CCDC97: variants seen among roughly 807,000 people sequenced by gnomAD.
The protein encoded by CCDC97 is coiled-coil domain containing 97.
CCDC97 carries 27 observed loss-of-function variants against 33.9 expected under a neutral mutation model. The ratio of observed to expected loss-of-function variants is 0.80; its 90% CI spans 0.59 to 1.10. CCDC97 has a LOEUF of 1.10. Among genes scored for constraint, CCDC97 ranks in the 50% least tolerant of loss-of-function variants. CCDC97 has a pLI of 0.00. For synonymous variants in CCDC97, 217 were observed against 194.0 expected, an observed-to-expected ratio of 1.12 and a Z score of -0.99; for missense variants, 422 against 476.6, an observed-to-expected ratio of 0.89 and a Z score of 1.07.
At chr19:41,313,856 T>G (rs2037714258) in intron 1 of CCDC97, among the ~76,000 whole-genome samples, 1 of 152,106 alleles carries the variant, frequency 6.6e-6, no homozygotes, top group Non-Finnish European at 1.5e-5. Flanking sequence ...CCCACCACCA[T>G]GCCCAGCTGA....
At position 41,324,246 on chromosome 19, in the gene CCDC97, C is replaced by G. The variant is rs932956090; in HGVS notation, c.*1531C>G. The G allele has an allele frequency of 6.6e-6, 1 of 152,254 alleles. No homozygotes were observed. The highest frequency in any genetic ancestry group is 1.5e-5 in the Non-Finnish European group (1 of 68,056). 9.4% of individuals were successfully genotyped at this position (152,254 alleles called of 1,614,324 possible). ...TGTCAGGCCCGAGCGAAGTGCCTGA[C>G]ACCGGGTTGGATCCTCAGATGGCCC... On this transcript the variant is annotated 3_prime_UTR_variant, in exon 5 of 5. Coordinates refer to ENST00000269967, the MANE Select transcript of CCDC97 (RefSeq NM_052848.3).
chr19:41,320,776 G>C, intron 4 of CCDC97: 1 of 293,468 alleles, frequency 3.4e-6, no homozygotes, highest in African/African-American at 2.2e-5. Context: ...ACTACCCCAA[G>C]CCCCCCAAGT....
At position 41,310,382 on chromosome 19, in the gene CCDC97, G is replaced by A. The variant is rs757282226; in HGVS notation, c.46+26G>A. On this transcript the variant is annotated intron_variant, in intron 1 of 4. Coordinates refer to ENST00000269967, the MANE Select transcript of CCDC97 (RefSeq NM_052848.3). ...GTGAGATCTTGGTCACGCGCAGGCG[G>A]CGGGTGGGTGCGGTTGCGGTGTCTC... 9 of 1,593,030 alleles carry A rather than the reference G, an allele frequency of 5.6e-6. No homozygotes were observed. The South Asian group carries it at 6.8e-5, about 12-fold the overall frequency.
intron 4 of CCDC97, 60 bp from the exon 5 acceptor site, chr19:41,322,534 TG>T: frequency 6.4e-7 from 1 of 1,573,580 alleles, no homozygotes; most frequent in Non-Finnish European, 8.7e-7. Context: ...CCCAGGCCTT[TG>T]ACCTGGGCAT....
chr19:41,310,355 G>A lies in CCDC97; in HGVS notation c.45G>A (p.Lys15=), dbSNP rs773593524. The change falls in exon 1 of 5, where the codon AAG becomes AAA. Residue 15 remains lysine (K), a splice_region_variant and synonymous_variant. Transcript: ENST00000269967. The stretch of plus-strand genomic sequence containing the variant: ...CGACGGCGGCGAAGGAACCCGATAA[G>A]GGTGAGATCTTGGTCACGCGCAGGC... ...ATATAAKEPD[K]GCIEPGPGHW... is the part of the protein sequence containing the mutation. 6.2e-7 allele frequency: 1 copy of A among 1,605,310 alleles called. No individual in the cohort carries two copies. Among genetic ancestry groups the A allele is most frequent in the Admixed American group, 1.7e-5 (1 of 58,944 alleles).
intron 2 of CCDC97, 115 bp downstream of exon 2, chr19:41,316,954 T>G (rs967485215): frequency 9.8e-6 from 8 of 820,448 alleles, no homozygotes; most frequent in Non-Finnish European, 1.3e-5. Context: ...GGAGAGAAGT[T>G]CTGAGACAGA....
intron 1 of CCDC97, among the ~76,000 whole-genome samples, chr19:41,315,800 A>G (rs1599873179): frequency 6.6e-6 from 1 of 151,286 alleles, no homozygotes; most frequent in Non-Finnish European, 1.5e-5. Flanking sequence ...TAAAAAATAA[A>G]AATAAAAATA....
chr19:41,319,510 A>G, intron 2 of CCDC97, 64 bp from the exon 3 acceptor site: 1 of 1,160,580 alleles, frequency 8.6e-7, no homozygotes, highest in Non-Finnish European at 1.3e-6. Context: ...TCACACACAT[A>G]CCCACATGGA....
At chr19:41,312,255 G>T (rs915237198) in intron 1 of CCDC97, among the ~76,000 whole-genome samples, 2 of 151,988 alleles carry the variant, frequency 1.3e-5, no homozygotes, top group East Asian at 3.9e-4. Flanking sequence ...GTCTAATTTT[G>T]TATATTTTTA....
Position 41,319,848 on chromosome 19 carries a change from G to A in CCDC97, c.777G>A (p.Glu259=). The change falls in exon 3 of 5, where the codon GAG becomes GAA. Residue 259 remains glutamate, a synonymous_variant. Transcript: ENST00000269967. ...EEEEEEEDSD[E]EDQRSGKDSE... is the part of the protein sequence containing the mutation. ...AGGAAGAGGAGGAGGACAGTGACGA[G>A]GAAGGTGAGGGCCAGTAGCAGGAAG... The A allele has an allele frequency of 7.0e-7, 1 of 1,437,660 alleles. No individual in the cohort carries two copies. The highest frequency in any genetic ancestry group is 9.6e-7 in the Non-Finnish European group (1 of 1,038,644). The allele number at this position is 1,437,660 out of a possible 1,614,324, so 89.1% of individuals were successfully genotyped here.
chr19:41,315,156 C>CG (rs1030430819), intron 1 of CCDC97, among the ~76,000 whole-genome samples: 11 of 150,976 alleles, frequency 7.3e-5, no homozygotes, highest in African/African-American at 2.7e-4. Flanking sequence ...AAAAATTAGC[C>CG]GGGCATGGTG....
At chr19:41,310,942 G>GAGCCACGCTTCC in intron 1 of CCDC97, 3 of 901,824 alleles carry the variant, frequency 3.3e-6, no homozygotes, top group Non-Finnish European at 4.0e-6. Context: ...GGTGTGATTG[G>GAGCCACGCTTCC]AAGCGTGGCT....
At chr19:41,313,025 G>A (rs999441380) in intron 1 of CCDC97, among the ~76,000 whole-genome samples, 1 of 152,088 alleles carries the variant, frequency 6.6e-6, no homozygotes, top group African/African-American at 2.4e-5. Flanking sequence ...TCTCACCTTG[G>A]CCTCCCAAAG....
rs1039755736 is a variant in CCDC97, at chr19:41,310,703, C to T, written c.46+347C>T. ...CAGACCAGCCCTTCTCAAATTACCT[C>T]CTTCCCTGTACCAAGCTGAGCCTTC... On this transcript the variant is annotated intron_variant, in intron 1 of 4. Transcript: ENST00000269967. 5.1e-6 allele frequency: 6 copies of T among 1,179,346 alleles called. No homozygotes were observed. In the African/African-American group the frequency reaches 9.3e-5, roughly 18 times the overall value. The allele number at this position is 1,179,346 out of a possible 1,614,324, so 73.1% of individuals were successfully genotyped here.
chr19:41,316,668 T>G lies in CCDC97; in HGVS notation c.331T>G (p.Phe111Val), dbSNP rs2037751053. The G allele has an allele frequency of 6.2e-7, 1 of 1,614,134 alleles. No individual in the cohort carries two copies. Among genetic ancestry groups the G allele is most frequent in the Non-Finnish European group, 8.5e-7 (1 of 1,180,014 alleles). ...HEKPLVFLER[F>V]RTGLREEHLA... ...GAAGCCACTGGTGTTCCTGGAGCGC[T>G]TCCGCACAGGCCTCCGTGAGGAGCA... Residue 111 changes from phenylalanine (F) to valine (V), a missense_variant, in exon 2 of 5, where the codon TTC becomes GTC. Phe to Val is a conservative substitution (Grantham distance 50). Coordinates refer to ENST00000269967, the MANE Select transcript of CCDC97 (RefSeq NM_052848.3).
chr19:41,312,787 T>C (rs867011548), intron 1 of CCDC97, among the ~76,000 whole-genome samples: 1 of 152,052 alleles, frequency 6.6e-6, no homozygotes, highest in Non-Finnish European at 1.5e-5. Context: ...CCTTTTGACG[T>C]TGCCTTCTTT....
intron 1 of CCDC97, among the ~76,000 whole-genome samples, chr19:41,316,171 A>G (rs2037743342): frequency 6.6e-6 from 1 of 152,170 alleles, no homozygotes; most frequent in Non-Finnish European, 1.5e-5. Context: ...ACTCCAGGAA[A>G]CACCTAACAC....
Position 41,322,686 on chromosome 19 carries a change from G to A in CCDC97, c.1003G>A (p.Ala335Thr), listed in dbSNP as rs747366546. ...CTTTGATGAGGAAGAACCTGAGGAT[G>A]CGCCCAGCCCAGAGCTGGATGGGGA... ...RYFDEEEPED[A>T]PSPELDGD The change falls in exon 5 of 5, where the codon GCG becomes ACG. Residue 335 changes from alanine to threonine, a missense_variant. Ala to Thr is a moderately conservative substitution (Grantham distance 58, BLOSUM62 0). Coordinates refer to ENST00000269967, the MANE Select transcript of CCDC97 (RefSeq NM_052848.3). 3 of 1,613,062 alleles carry A rather than the reference G, an allele frequency of 1.9e-6. No individual in the cohort carries two copies. Among genetic ancestry groups the A allele is most frequent in the Non-Finnish European group, 2.5e-6 (3 of 1,179,496 alleles).
intron 1 of CCDC97, chr19:41,310,980 T>C (rs1402512738): frequency 1.9e-6 from 1 of 538,180 alleles, no homozygotes; most frequent in African/African-American, 2.1e-5. Context: ...GAATTGGTAA[T>C]TGTGGAAGCC....
Sources: gnomAD v4.1 joint callset for allele counts (sites outside exome capture counted in the v4.1 genomes callset) on GRCh38, gnomAD v4.1.1 for gene constraint, MANE v1.5 for transcripts, NCBI Gene and HGNC (gene_info 2026-07-23, HGNC 2026-07-21) for gene names.